ME3: variants seen among roughly 807,000 people sequenced by gnomAD.
ME3 encodes malic enzyme 3.
Under a neutral mutation model 68.9 loss-of-function variants are expected in ME3, and 48 were observed. The ratio of observed to expected loss-of-function variants is 0.70; its 90% confidence interval spans 0.55 to 0.89. ME3 has a LOEUF of 0.89. Ranked by LOEUF, ME3 falls within the 40% of genes least tolerant of loss-of-function variation. The pLI is 0.00. For missense variants in ME3, 675 were observed against 797.4 expected, an observed-to-expected ratio of 0.85 and a Z score of 1.85; for synonymous variants, 320 against 318.8, an observed-to-expected ratio of 1.00 and a Z score of -0.04.
intron 2 of ME3, among the ~76,000 whole-genome samples, chr11:86,587,007 C>A (rs184430916): frequency 7.2e-4 from 110 of 152,154 alleles, no homozygotes; most frequent in Non-Finnish European, 2.8e-4. Flanking sequence ...GAAAGTCTGT[C>A]AGAGAAATAG....
chr11:86,656,301 T>G (rs1945865400), intron 2 of ME3, among the ~76,000 whole-genome samples: 1 of 151,876 alleles, frequency 6.6e-6, no homozygotes, highest in African/African-American at 2.4e-5. Context: ...CATGCACACA[T>G]ATGTTTATTG....
At position 86,663,539 on chromosome 11, in the gene ME3, A is replaced by G. The variant is rs1186289926; in HGVS notation, c.183+8223T>C. Among the ~76,000 whole-genome samples, 3 of 152,192 alleles carry G rather than the reference A, an allele frequency of 2.0e-5. No homozygotes were observed. In the East Asian group the frequency reaches 5.8e-4, roughly 29 times the overall value. On this transcript the variant is annotated intron_variant, in intron 2 of 14. Coordinates refer to ENST00000543262, the Ensembl canonical transcript of ME3. ...CCACCCCCAAAGGATTTCCCGATAT[A>G]CTTTCTACACATCAAAGTGAAGGTT...
intron 2 of ME3, among the ~76,000 whole-genome samples, chr11:86,582,448 T>TGCACCAGAA (rs1958494360): frequency 6.6e-6 from 1 of 152,162 alleles, no homozygotes; most frequent in African/African-American, 2.4e-5. Context: ...TATGAGAAAC[T>TGCACCAGAA]GCACCAGAAG....
At chr11:86,505,134 A>G (rs1017797994) in intron 5 of ME3, among the ~76,000 whole-genome samples, 3 of 152,210 alleles carry the variant, frequency 2.0e-5, no homozygotes, top group Non-Finnish European at 2.9e-5. Context: ...AATGATGAGC[A>G]GAGACTCCCT....
intron 2 of ME3, among the ~76,000 whole-genome samples, chr11:86,633,063 A>G (rs1007362504): frequency 4.6e-5 from 7 of 152,166 alleles, no homozygotes; most frequent in Admixed American, 4.6e-4. Flanking sequence ...TGAGTCCGAT[A>G]TGCATGTCAG....
At chr11:86,532,456 A>G (rs977807871) in intron 4 of ME3, among the ~76,000 whole-genome samples, 9 of 152,224 alleles carry the variant, frequency 5.9e-5, no homozygotes, top group African/African-American at 1.7e-4. Context: ...TGGATAGATC[A>G]TATGTTAGGC....
intron 2 of ME3, among the ~76,000 whole-genome samples, chr11:86,602,639 A>T (rs531882582): frequency 1.6e-4 from 25 of 152,338 alleles, no homozygotes; most frequent in African/African-American, 5.8e-4. Context: ...AAGAGCCCGC[A>T]TCAGTAAGTC....
intron 4 of ME3, among the ~76,000 whole-genome samples, chr11:86,509,097 G>A (rs893803529): frequency 2.6e-5 from 4 of 152,200 alleles, no homozygotes; most frequent in African/African-American, 9.6e-5. Context: ...CCCACATGGA[G>A]CCTGTGCTCC....
rs141312733 is a variant in ME3 at position 86,478,792 on chromosome 11, C to G, written c.809+8545G>C. Reference sequence around the variant, plus strand: ...ATGGTTGGTGGAAAGTATTTCATTTCTAGCACTCCTGATATGCTTCTTTGG... The same window carrying G: ...ATGGTTGGTGGAAAGTATTTCATTTGTAGCACTCCTGATATGCTTCTTTGG... On this transcript the variant is annotated intron_variant, in intron 7 of 14. Coordinates refer to ENST00000543262, the Ensembl canonical transcript of ME3. Among the ~76,000 whole-genome samples, 103 of 152,334 alleles carry G rather than the reference C, an allele frequency of 6.8e-4. 1 individual carries two copies. The highest frequency in any genetic ancestry group is 2.3e-3 in the African/African-American group (97 of 41,572).
chr11:86,574,521 T>A (rs1957987776), intron 2 of ME3, among the ~76,000 whole-genome samples: 1 of 152,104 alleles, frequency 6.6e-6, no homozygotes, highest in Non-Finnish European at 1.5e-5. Context: ...TTGCTGGAGA[T>A]CCACTCCAAG....
At chr11:86,530,799 T>A (rs1955160740) in intron 4 of ME3, among the ~76,000 whole-genome samples, 1 of 152,170 alleles carries the variant, frequency 6.6e-6, no homozygotes, top group African/African-American at 2.4e-5. Flanking sequence ...TAGCCATATG[T>A]AGAAAGCTGA....
At chr11:86,536,013 GAA>G (rs969252446) in intron 4 of ME3, among the ~76,000 whole-genome samples, 34 of 152,300 alleles carry the variant, frequency 2.2e-4, no homozygotes, top group African/African-American at 7.5e-4. Flanking sequence ...CTTAGTAGCA[GAA>G]AGAGTCCTGG....
At chr11:86,514,888 T>C (rs1282496406) in intron 4 of ME3, among the ~76,000 whole-genome samples, 2 of 152,214 alleles carry the variant, frequency 1.3e-5, no homozygotes, top group Non-Finnish European at 2.9e-5. Flanking sequence ...GGGAGTCAGA[T>C]CGCCTGGGCT....
At chr11:86,600,653 T>G (rs1378489540) in intron 2 of ME3, among the ~76,000 whole-genome samples, 1 of 151,944 alleles carries the variant, frequency 6.6e-6, no homozygotes, top group Non-Finnish European at 1.5e-5. Context: ...ATATACATTT[T>G]TTTCAGCACT....
At chr11:86,460,932 T>G (rs1950196300) in intron 8 of ME3, among the ~76,000 whole-genome samples, 1 of 152,238 alleles carries the variant, frequency 6.6e-6, no homozygotes, top group Admixed American at 6.5e-5. Context: ...CACAGGCTTC[T>G]GGCCTGGACC....
At chr11:86,487,360 C>G in exon 7 of ME3, 2 of 1,614,150 alleles carry the variant, frequency 1.2e-6, no homozygotes, top group Non-Finnish European at 1.7e-6. Context: ...CCTGCATGAA[C>G]TCATCCAGCA....
intron 2 of ME3, among the ~76,000 whole-genome samples, chr11:86,653,932 GAA>G (rs1945663435): frequency 6.6e-6 from 1 of 152,196 alleles, no homozygotes; most frequent in Non-Finnish European, 1.5e-5. Context: ...CAATCCCACA[GAA>G]ATACAAACTG....
chr11:86,629,687 A>G (rs1477007064), intron 2 of ME3, among the ~76,000 whole-genome samples: 1 of 152,216 alleles, frequency 6.6e-6, no homozygotes, highest in East Asian at 1.9e-4. Context: ...GTTTGTTTCC[A>G]GAGTTCAAGA....
intron 2 of ME3, among the ~76,000 whole-genome samples, chr11:86,576,830 C>T (rs1479296185): frequency 1.3e-5 from 2 of 152,160 alleles, no homozygotes; most frequent in Admixed American, 1.3e-4. Context: ...TGAAAGCATC[C>T]CCAGAAACTG....
Sources: allele counts gnomAD v4.1 joint callset (sites outside exome capture counted in the v4.1 genomes callset), GRCh38; gene constraint gnomAD v4.1.1; transcripts MANE v1.5; gene names NCBI Gene and HGNC (gene_info 2026-07-23, HGNC 2026-07-21).